PITPNC1: variants seen among roughly 807,000 people sequenced by gnomAD.
PITPNC1 encodes cytoplasmic phosphatidylinositol transfer protein 1.
In PITPNC1, 18 loss-of-function variants were observed where a neutral mutation model predicts 44.7. The ratio of observed to expected loss-of-function variants is 0.40; its 90% CI spans 0.28 to 0.60. The LOEUF (loss-of-function observed/expected upper bound fraction) is 0.60. Ranked by LOEUF, PITPNC1 falls within the 20% of genes least tolerant of loss-of-function variation. The pLI is 0.39. For synonymous variants in PITPNC1, 141 were observed against 149.6 expected (o/e 0.94, Z 0.42); for missense variants, 290 against 418.4 (o/e 0.69, Z 2.68).
chr17:67,389,870 G>A (rs1161784037), intron 1 of PITPNC1, among the ~76,000 whole-genome samples: 1 of 152,026 alleles, frequency 6.6e-6, no homozygotes, highest in Non-Finnish European at 1.5e-5. Context: ...TAGTAGAGAC[G>A]GGGTTTCACT....
At chr17:67,630,922 A>G (rs1208460050) in intron 5 of PITPNC1, among the ~76,000 whole-genome samples, 1 of 151,606 alleles carries the variant, frequency 6.6e-6, no homozygotes, top group Non-Finnish European at 1.5e-5. Context: ...ATATTGGCCA[A>G]GCTGGTCTCA....
At chr17:67,604,942 G>A (rs936441860) in intron 5 of PITPNC1, among the ~76,000 whole-genome samples, 7 of 152,064 alleles carry the variant, frequency 4.6e-5, no homozygotes, top group African/African-American at 1.4e-4. Flanking sequence ...AGCTGGGTGC[G>A]TTGGGATGCG....
intron 1 of PITPNC1, among the ~76,000 whole-genome samples, chr17:67,501,705 A>C (rs754928115): frequency 8.6e-5 from 13 of 151,862 alleles, no homozygotes; most frequent in Non-Finnish European, 1.5e-4. Flanking sequence ...TGGTGGTGGG[A>C]GCCTGTAATC....
chr17:67,487,399 T>G (rs752567035), intron 1 of PITPNC1, among the ~76,000 whole-genome samples: 1 of 152,152 alleles, frequency 6.6e-6, no homozygotes, highest in Non-Finnish European at 1.5e-5. Context: ...GATCTCGAAC[T>G]CCTGGCCTCA....
intron 1 of PITPNC1, among the ~76,000 whole-genome samples, chr17:67,444,287 C>CGA (rs2039061831): frequency 1.3e-5 from 2 of 152,000 alleles, no homozygotes; most frequent in Non-Finnish European, 2.9e-5. Flanking sequence ...CACAATAGGC[C>CGA]GAGATCACGG....
intron 5 of PITPNC1, among the ~76,000 whole-genome samples, chr17:67,579,062 G>T (rs1009384400): frequency 6.6e-6 from 1 of 152,232 alleles, no homozygotes; most frequent in Non-Finnish European, 1.5e-5. Context: ...CACACATGCG[G>T]TGTATGTATA....
intron 5 of PITPNC1, among the ~76,000 whole-genome samples, chr17:67,589,604 CAAAA>C (rs10714478): frequency 2.4e-5 from 3 of 126,426 alleles, no homozygotes; most frequent in Non-Finnish European, 3.3e-5. Flanking sequence ...ATAATTGACT[CAAAA>C]AAAAAAAAAA....
chr17:67,498,920 G>A (rs1381544127), intron 1 of PITPNC1, among the ~76,000 whole-genome samples: 1 of 150,696 alleles, frequency 6.6e-6, no homozygotes, highest in Non-Finnish European at 1.5e-5. Context: ...TGCCCAGGCT[G>A]GAATGCAGTA....
intron 1 of PITPNC1, among the ~76,000 whole-genome samples, chr17:67,450,623 C>T (rs1305543200): frequency 2.6e-5 from 4 of 152,056 alleles, no homozygotes; most frequent in Admixed American, 6.6e-5. Context: ...ACGAGATTTT[C>T]GCTGTGTTGC....
intron 1 of PITPNC1, among the ~76,000 whole-genome samples, chr17:67,403,698 C>T (rs1480492152): frequency 6.6e-6 from 1 of 152,142 alleles, no homozygotes; most frequent in Non-Finnish European, 1.5e-5. Flanking sequence ...GACAAAATTA[C>T]CCCCATCATT....
At chr17:67,515,317 GGAA>G (rs2144097936) in intron 1 of PITPNC1, among the ~76,000 whole-genome samples, 1 of 152,302 alleles carries the variant, frequency 6.6e-6, no homozygotes, top group East Asian at 1.9e-4. Context: ...AGGAGAACAG[GGAA>G]GAAGATGTGC....
chr17:67,487,237 C>T (rs759584879), intron 1 of PITPNC1, among the ~76,000 whole-genome samples: 3 of 152,048 alleles, frequency 2.0e-5, no homozygotes, highest in Admixed American at 6.6e-5. Flanking sequence ...TGTAGTGGCA[C>T]GATCTCAGCT....
At chr17:67,403,725 G>A (rs62084086) in intron 1 of PITPNC1, among the ~76,000 whole-genome samples, 8,932 of 152,200 alleles carry the variant, frequency 0.059, 288 homozygotes, top group Middle Eastern at 0.1. Context: ...AGAGCTGGGT[G>A]TAAACCCTGG....
At chr17:67,452,200 G>T (rs1309241143) in intron 1 of PITPNC1, among the ~76,000 whole-genome samples, 1 of 150,990 alleles carries the variant, frequency 6.6e-6, no homozygotes, top group African/African-American at 2.4e-5. Flanking sequence ...TGTATAGACG[G>T]GGGTCTCACT....
At chr17:67,571,472 G>T (rs1184092008) in intron 4 of PITPNC1, among the ~76,000 whole-genome samples, 1 of 152,186 alleles carries the variant, frequency 6.6e-6, no homozygotes, top group African/African-American at 2.4e-5. Flanking sequence ...ACACAAGTTT[G>T]TTATCTTGCA....
chr17:67,441,396 A>C lies in PITPNC1; in HGVS notation c.48+63194A>C, dbSNP rs1020729645. 2.0e-5 allele frequency among the ~76,000 whole-genome samples: 3 copies of C among 151,956 alleles called. No individual in the cohort carries two copies. The South Asian group carries it at 6.2e-4, about 32-fold the overall frequency. On this transcript the variant is annotated intron_variant, in intron 1 of 8. Coordinates refer to ENST00000581322, the MANE Select transcript of PITPNC1 (RefSeq NM_012417.4). The stretch of plus-strand genomic sequence containing the variant: ...TTGTCACTGACACTGTCCACAGCCC[A>C]GAGCTCAGCCTCTGATTTGCTCGGC...
chr17:67,382,397 GAATT>G (rs1316433274), intron 1 of PITPNC1, among the ~76,000 whole-genome samples: 3 of 151,530 alleles, frequency 2.0e-5, no homozygotes, highest in South Asian at 2.1e-4. Context: ...TCAGAGTAAA[GAATT>G]AATAAAAGTA....
At chr17:67,381,553 A>G (rs1598596433) in intron 1 of PITPNC1, among the ~76,000 whole-genome samples, 2 of 142,418 alleles carry the variant, frequency 1.4e-5, no homozygotes, top group South Asian at 2.2e-4. Context: ...TGCAAGGTCC[A>G]CCTCCCGGGT....
intron 5 of PITPNC1, among the ~76,000 whole-genome samples, chr17:67,600,775 G>T (rs559793994): frequency 6.6e-6 from 1 of 151,240 alleles, no homozygotes; most frequent in East Asian, 2.0e-4. Context: ...TGCGATTTTT[G>T]CCATTAGTTT....
Sources: allele counts gnomAD v4.1 joint callset (sites outside exome capture counted in the v4.1 genomes callset), GRCh38; gene constraint gnomAD v4.1.1; transcripts MANE v1.5; gene names NCBI Gene and HGNC (gene_info 2026-07-23, HGNC 2026-07-21).